KCNMA1: variants seen among roughly 807,000 people sequenced by gnomAD.
KCNMA1 encodes the protein Calcium-activated potassium channel subunit alpha-1.
Under a neutral mutation model 140.0 loss-of-function variants are expected in KCNMA1, and 29 were observed. The observed-to-expected ratio is 0.21, with a 90% CI of 0.15 to 0.28. KCNMA1 has a LOEUF of 0.28. Ranked by LOEUF, KCNMA1 falls within the 10% of genes least tolerant of loss-of-function variation. KCNMA1 has a pLI of 1.00. For missense variants in KCNMA1, 880 were observed against 1,602.2 expected (o/e 0.55, Z 7.70); for synonymous variants, 612 against 611.9 (o/e 1.00, Z 0.00).
chr10:77,388,042 A>AGATGAT (rs1448183241), intron 2 of KCNMA1, among the ~76,000 whole-genome samples: 1 of 152,230 alleles, frequency 6.6e-6, no homozygotes. Flanking sequence ...AGCTGATGAA[A>AGATGAT]GATGATGAAA....
chr10:77,519,763 T>A (rs1209785493), intron 1 of KCNMA1, among the ~76,000 whole-genome samples: 5 of 152,124 alleles, frequency 3.3e-5, no homozygotes, highest in Non-Finnish European at 7.4e-5. Flanking sequence ...ACAGAAAAAA[T>A]TTTCAAAGGT....
intron 9 of KCNMA1, among the ~76,000 whole-genome samples, chr10:77,104,741 G>C (rs755442726): frequency 6.6e-6 from 1 of 152,172 alleles, no homozygotes; most frequent in Non-Finnish European, 1.5e-5. Flanking sequence ...CTTGGACCAC[G>C]ATCTTGTCAG....
intron 1 of KCNMA1, among the ~76,000 whole-genome samples, chr10:77,551,912 T>C (rs920242933): frequency 6.6e-6 from 1 of 152,020 alleles, no homozygotes; most frequent in Non-Finnish European, 1.5e-5. Context: ...AGCTTACAGA[T>C]GGTTAGAACA....
intron 1 of KCNMA1, among the ~76,000 whole-genome samples, chr10:77,623,167 G>A (rs919484764): frequency 4.6e-5 from 7 of 152,120 alleles, no homozygotes; most frequent in East Asian, 3.8e-4. Flanking sequence ...AGAAACCTTC[G>A]TGATTTTATT....
At chr10:77,519,941 AGGGTATGCAGTGTGAGGTCTG>A (rs2052277081) in intron 1 of KCNMA1, among the ~76,000 whole-genome samples, 1 of 150,460 alleles carries the variant, frequency 6.6e-6, no homozygotes. Context: ...ATGCAGCGTG[AGGGTATGCAGTGTGAGGTCTG>A]GGGTATGCAG....
chr10:77,291,601 C>A (rs551408500), intron 2 of KCNMA1, among the ~76,000 whole-genome samples: 70 of 152,258 alleles, frequency 4.6e-4, no homozygotes, highest in Non-Finnish European at 8.8e-4. Flanking sequence ...TGGCCAACCA[C>A]CTCTTTTGCT....
At chr10:77,135,507 G>T (rs1320462708) in intron 5 of KCNMA1, among the ~76,000 whole-genome samples, 1 of 152,164 alleles carries the variant, frequency 6.6e-6, no homozygotes, top group African/African-American at 2.4e-5. Flanking sequence ...TATATTCAGA[G>T]GAAATGAAAT....
chr10:77,392,233 A>G (rs1437383306), intron 2 of KCNMA1, among the ~76,000 whole-genome samples: 1 of 107,028 alleles, frequency 9.3e-6, no homozygotes, highest in African/African-American at 4.2e-5. Flanking sequence ...GAGAGAGGGA[A>G]AGAAGGAAGG....
chr10:76,983,905 C>G (rs1194666521), intron 19 of KCNMA1, among the ~76,000 whole-genome samples: 1 of 151,960 alleles, frequency 6.6e-6, no homozygotes, highest in Admixed American at 6.6e-5. Context: ...ATAAAAAAAA[C>G]AGTAAAAAGA....
At position 77,442,042 on chromosome 10, in the gene KCNMA1, TCA is replaced by T. The variant is rs553091453; in HGVS notation, c.379-38021_379-38020del. 1.3e-4 allele frequency among the ~76,000 whole-genome samples: 20 copies of T among 152,252 alleles called. No individual in the cohort carries two copies. The South Asian group carries it at 4.1e-3, about 32-fold the overall frequency. Reference sequence around the variant, plus strand: ...CAGCAAGGAGATGTGCTGGGGTCACTCACAGTTCTTAGAGTCAGGGTGGGTTT... The same window carrying T: ...CAGCAAGGAGATGTGCTGGGGTCACTCAGTTCTTAGAGTCAGGGTGGGTTT... On this transcript the variant is annotated intron_variant, in intron 1 of 27. Coordinates refer to ENST00000286628, the MANE Select transcript of KCNMA1 (RefSeq NM_001161352.2).
At chr10:76,883,733 T>C (rs921098889), downstream of KCNMA1, among the ~76,000 whole-genome samples, 1 of 150,138 alleles carries the variant, frequency 6.7e-6, no homozygotes, top group Non-Finnish European at 1.5e-5. Flanking sequence ...TTTTTTTTTT[T>C]TTTTTTTTGC....
intron 1 of KCNMA1, among the ~76,000 whole-genome samples, chr10:77,512,843 G>A (rs117205750): frequency 1.8e-4 from 28 of 152,186 alleles, no homozygotes; most frequent in East Asian, 1.5e-3. Context: ...GGACTGAGAC[G>A]GTATATCCGA....
At chr10:77,538,802 C>T (rs1485869194) in intron 1 of KCNMA1, among the ~76,000 whole-genome samples, 2 of 152,154 alleles carry the variant, frequency 1.3e-5, no homozygotes, top group Non-Finnish European at 2.9e-5. Flanking sequence ...TCTCGTGCCA[C>T]AAAAGGCATC....
intron 2 of KCNMA1, among the ~76,000 whole-genome samples, chr10:77,344,992 C>G (rs1287022661): frequency 6.6e-6 from 1 of 152,080 alleles, no homozygotes; most frequent in Non-Finnish European, 1.5e-5. Flanking sequence ...TGATTATTCC[C>G]ATGTTACAAA....
intron 2 of KCNMA1, among the ~76,000 whole-genome samples, chr10:77,261,341 T>C (rs2061960263): frequency 6.6e-6 from 1 of 152,182 alleles, no homozygotes; most frequent in Admixed American, 6.6e-5. Flanking sequence ...CATTTTTTAA[T>C]GCTCCCCAAA....
At chr10:77,615,151 G>T (rs573499208) in intron 1 of KCNMA1, among the ~76,000 whole-genome samples, 1 of 152,306 alleles carries the variant, frequency 6.6e-6, no homozygotes, top group Admixed American at 6.5e-5. Context: ...ATAGGGGAAA[G>T]TGCCAACTAA....
chr10:77,393,299 A>G (rs910661894), intron 2 of KCNMA1, among the ~76,000 whole-genome samples: 4 of 152,160 alleles, frequency 2.6e-5, no homozygotes, highest in African/African-American at 7.2e-5. Flanking sequence ...CCTGCCCCAG[A>G]AAAGGATTTG....
chr10:76,960,557 C>T (rs2070778051), intron 20 of KCNMA1, among the ~76,000 whole-genome samples: 1 of 144,122 alleles, frequency 6.9e-6, no homozygotes, highest in Non-Finnish European at 1.5e-5. Context: ...AGAAGAAGAA[C>T]ATAGGCATAC....
chr10:77,189,090 C>A (rs1437060190), intron 3 of KCNMA1, among the ~76,000 whole-genome samples: 1 of 152,122 alleles, frequency 6.6e-6, no homozygotes, highest in Non-Finnish European at 1.5e-5. Context: ...GCTCCATCCC[C>A]AGTTTCTGAT....
Sources: gnomAD v4.1 joint callset for allele counts (sites outside exome capture counted in the v4.1 genomes callset) on GRCh38, gnomAD v4.1.1 for gene constraint, MANE v1.5 for transcripts, NCBI Gene and HGNC (gene_info 2026-07-23, HGNC 2026-07-21) for gene names.